Variants in RALYL observed in about 807,000 individuals in gnomAD.
RALYL encodes RNA-binding Raly-like protein.
A neutral mutation model predicts 35.1 loss-of-function variants in RALYL; 29 were observed. That is an observed-to-expected ratio of 0.83 (90% CI 0.61 to 1.13). The LOEUF is 1.13. Among genes scored for constraint, RALYL ranks in the 50% most tolerant of loss-of-function variants. The probability of loss-of-function intolerance (pLI) is 0.00; values close to 1 mark genes in which losing one functional copy is unlikely to be tolerated. For synonymous variants in RALYL, 120 were observed against 127.6 expected (o/e 0.94, Z 0.40); for missense variants, 359 against 360.4 (o/e 1.00, Z 0.03).
At chr8:84,397,469 C>T (rs1208595615) in intron 1 of RALYL, among the ~76,000 whole-genome samples, 5 of 152,106 alleles carry the variant, frequency 3.3e-5, no homozygotes. Flanking sequence ...AGATGATTAG[C>T]TATTAGAGCA....
chr8:84,847,500 G>A (rs1431755776), intron 4 of RALYL, among the ~76,000 whole-genome samples: 1 of 151,952 alleles, frequency 6.6e-6, no homozygotes, highest in Non-Finnish European at 1.5e-5. Flanking sequence ...GGTGAGACAG[G>A]CACTTTCTGG....
At chr8:84,845,431 G>C (rs149924659) in intron 4 of RALYL, among the ~76,000 whole-genome samples, 1 of 152,094 alleles carries the variant, frequency 6.6e-6, no homozygotes, top group Non-Finnish European at 1.5e-5. Context: ...GATTAGTGAC[G>C]ATGACCATTT....
At chr8:84,840,617 C>T (rs546165632) in intron 4 of RALYL, among the ~76,000 whole-genome samples, 40 of 152,206 alleles carry the variant, frequency 2.6e-4, no homozygotes, top group East Asian at 7.7e-4. Flanking sequence ...ATACAGAGAA[C>T]GCCACAAAGA....
intron 2 of RALYL, among the ~76,000 whole-genome samples, chr8:84,601,492 G>A (rs116314115): frequency 2.4e-3 from 364 of 152,110 alleles, no homozygotes; most frequent in African/African-American, 5.4e-3. Flanking sequence ...AGTTTCTGCC[G>A]GGAAGCCTAC....
At chr8:84,389,256 T>G (rs1342723667) in intron 1 of RALYL, among the ~76,000 whole-genome samples, 3 of 152,170 alleles carry the variant, frequency 2.0e-5, no homozygotes, top group African/African-American at 7.2e-5. Flanking sequence ...CCTTGTAGTA[T>G]AGTTTGAAGT....
intron 2 of RALYL, among the ~76,000 whole-genome samples, chr8:84,595,955 C>A (rs1425349697): frequency 1.3e-5 from 2 of 152,004 alleles, no homozygotes; most frequent in Non-Finnish European, 2.9e-5. Flanking sequence ...CCTTCTCAAA[C>A]CACTCATTCT....
chr8:84,655,521 G>T (rs1288024705), intron 2 of RALYL, among the ~76,000 whole-genome samples: 1 of 152,024 alleles, frequency 6.6e-6, no homozygotes, highest in African/African-American at 2.4e-5. Flanking sequence ...TAGAGACGGG[G>T]TTTTGCCATG....
intron 1 of RALYL, among the ~76,000 whole-genome samples, chr8:84,289,272 G>A (rs924066724): frequency 6.6e-6 from 1 of 152,072 alleles, no homozygotes; most frequent in African/African-American, 2.4e-5. Context: ...ACTGGCAAGA[G>A]GCTTTTAAAA....
At chr8:84,673,313 T>C (rs1015136780) in intron 2 of RALYL, among the ~76,000 whole-genome samples, 1 of 152,108 alleles carries the variant, frequency 6.6e-6, no homozygotes, top group African/African-American at 2.4e-5. Flanking sequence ...CTCCCATTCT[T>C]TAGGTTGTCT....
chr8:84,434,066 C>T (rs957806703), intron 1 of RALYL, among the ~76,000 whole-genome samples: 3 of 151,936 alleles, frequency 2.0e-5, no homozygotes, highest in African/African-American at 4.8e-5. Context: ...TGCATTGCCT[C>T]ACTGTTTGGG....
intron 3 of RALYL, among the ~76,000 whole-genome samples, chr8:84,798,105 G>A (rs1441413665): frequency 6.6e-6 from 1 of 152,004 alleles, no homozygotes; most frequent in Non-Finnish European, 1.5e-5. Flanking sequence ...ATCTCTGGGC[G>A]AACTTATTCT....
chr8:84,502,475 A>G (rs2056785251), intron 1 of RALYL, among the ~76,000 whole-genome samples: 1 of 152,038 alleles, frequency 6.6e-6, no homozygotes, highest in African/African-American at 2.4e-5. Context: ...TATTTGCAAC[A>G]GGAGAAAAAT....
rs556557433 is a variant in RALYL at position 84,631,567 on chromosome 8, T to C, written c.256+101990T>C. Among the ~76,000 whole-genome samples the C allele has an allele frequency of 4.3e-3, 646 of 151,922 alleles. 6 individuals are homozygous for C. The highest frequency in any genetic ancestry group is 0.015 in the African/African-American group (605 of 41,410). On this transcript the variant is annotated intron_variant, in intron 2 of 8. Transcript: ENST00000521268. The stretch of plus-strand genomic sequence containing the variant: ...TTTCAAGATAGCACTGTTTTCAAGA[T>C]GGTAGCTTCAGAAGGTAAACAGGGT...
intron 1 of RALYL, among the ~76,000 whole-genome samples, chr8:84,309,849 G>T (rs112817263): frequency 6.6e-6 from 1 of 151,646 alleles, no homozygotes; most frequent in South Asian, 2.1e-4. Flanking sequence ...GTGCAGTGGC[G>T]CCATCTCAGC....
chr8:84,493,625 T>C (rs1313775068), intron 1 of RALYL, among the ~76,000 whole-genome samples: 2 of 152,170 alleles, frequency 1.3e-5, no homozygotes, highest in African/African-American at 4.8e-5. Context: ...TGTGAGATGG[T>C]ATCTCGTTGT....
At chr8:84,324,470 T>C (rs1845436395) in intron 1 of RALYL, among the ~76,000 whole-genome samples, 1 of 152,058 alleles carries the variant, frequency 6.6e-6, no homozygotes. Flanking sequence ...TTTTGAAGAA[T>C]GCATTAAACA....
chr8:84,531,058 T>G (rs560314142), intron 2 of RALYL, among the ~76,000 whole-genome samples: 4 of 151,842 alleles, frequency 2.6e-5, no homozygotes, highest in Admixed American at 2.6e-4. Flanking sequence ...CCTCCTTCTT[T>G]CACTGTCTAT....
chr8:84,325,710 G>A (rs1474845164), intron 1 of RALYL, among the ~76,000 whole-genome samples: 2 of 152,210 alleles, frequency 1.3e-5, no homozygotes, highest in Non-Finnish European at 2.9e-5. Context: ...TAGTATCTGA[G>A]ATGGCCTGAC....
chr8:84,299,112 G>T (rs1480150168), intron 1 of RALYL, among the ~76,000 whole-genome samples: 1 of 151,964 alleles, frequency 6.6e-6, no homozygotes. Context: ...TGGTGAGAGT[G>T]AGCATTCCTG....
Sources: gnomAD v4.1 joint callset for allele counts (sites outside exome capture counted in the v4.1 genomes callset) on GRCh38, gnomAD v4.1.1 for gene constraint, MANE v1.5 for transcripts, NCBI Gene and HGNC (gene_info 2026-07-23, HGNC 2026-07-21) for gene names.